Variants in SLX4IP observed in about 807,000 individuals in gnomAD.
SLX4IP encodes SLX4 interacting protein.
SLX4IP carries 34 observed loss-of-function variants against 32.9 expected under a neutral mutation model. That is an observed-to-expected ratio of 1.03 (90% CI 0.79 to 1.38). SLX4IP has a LOEUF of 1.38. Ranked by LOEUF, SLX4IP falls within the 40% of genes most tolerant of loss-of-function variation. The pLI is 0.00. For missense variants in SLX4IP, 444 were observed against 479.0 expected (o/e 0.93, Z 0.68); for synonymous variants, 172 against 171.7 (o/e 1.00, Z -0.01).
chr20:10,620,086 T>C (rs796399369), intron 6 of SLX4IP, among the ~76,000 whole-genome samples: 24 of 152,272 alleles, frequency 1.6e-4, no homozygotes, highest in African/African-American at 5.8e-4. Context: ...GGCACGGTAC[T>C]CATGGCTGCC....
intron 2 of SLX4IP, among the ~76,000 whole-genome samples, chr20:10,553,264 C>G (rs866226098): frequency 3.3e-5 from 5 of 152,120 alleles, no homozygotes; most frequent in Non-Finnish European, 7.3e-5. Flanking sequence ...ATGCTTATCG[C>G]CACTTCAGAT....
chr20:10,512,600 T>G (rs2065816362), intron 2 of SLX4IP, among the ~76,000 whole-genome samples: 1 of 144,772 alleles, frequency 6.9e-6, no homozygotes, highest in African/African-American at 2.5e-5. Context: ...ATACATTATA[T>G]ATATATAAAA....
intron 5 of SLX4IP, 55 bp downstream of exon 5, chr20:10,598,807 G>C (rs2066806238): frequency 1.3e-6 from 2 of 1,544,008 alleles, no homozygotes; most frequent in African/African-American, 1.4e-5. Flanking sequence ...GCTTGCCCTA[G>C]ATAGAGAAGG....
intron 4 of SLX4IP, among the ~76,000 whole-genome samples, chr20:10,580,053 C>G (rs1245470186): frequency 7.2e-5 from 11 of 152,018 alleles, no homozygotes; most frequent in Non-Finnish European, 2.9e-5. Flanking sequence ...CCATTTTAAC[C>G]AAATCAATGA....
intron 5 of SLX4IP, among the ~76,000 whole-genome samples, chr20:10,600,881 C>T (rs1206795911): frequency 6.6e-6 from 1 of 152,178 alleles, no homozygotes; most frequent in South Asian, 2.1e-4. Flanking sequence ...GAAGAGCCCC[C>T]TCCCCACCCG....
At chr20:10,516,299 G>A (rs887928078) in intron 2 of SLX4IP, among the ~76,000 whole-genome samples, 1 of 152,172 alleles carries the variant, frequency 6.6e-6, no homozygotes, top group Non-Finnish European at 1.5e-5. Flanking sequence ...TTTATTCTTT[G>A]AGGAAAGGTT....
At chr20:10,590,280 ATCTTT>A (rs1444658276) in intron 4 of SLX4IP, among the ~76,000 whole-genome samples, 1 of 152,086 alleles carries the variant, frequency 6.6e-6, no homozygotes, top group East Asian at 1.9e-4. Flanking sequence ...AAATTATATC[ATCTTT>A]TCATTTTCCC....
chr20:10,613,890 A>G, intron 6 of SLX4IP: 1 of 1,501,860 alleles, frequency 6.7e-7, no homozygotes, highest in Non-Finnish European at 9.3e-7. Flanking sequence ...AACGTCCTCT[A>G]AAGATATCTT....
chr20:10,602,202 C>G (rs2066849711), intron 6 of SLX4IP, among the ~76,000 whole-genome samples: 1 of 152,158 alleles, frequency 6.6e-6, no homozygotes, highest in African/African-American at 2.4e-5. Flanking sequence ...AAATTTTATT[C>G]CATGGTGAAT....
chr20:10,590,367 A>G (rs2066694076), intron 4 of SLX4IP, among the ~76,000 whole-genome samples: 1 of 150,920 alleles, frequency 6.6e-6, no homozygotes, highest in Non-Finnish European at 1.5e-5. Flanking sequence ...TATTTTTTTA[A>G]TTTTATTTTT....
rs192455720 is a variant in SLX4IP at position 10,444,628 on chromosome 20, A to T, written c.-30+9175A>T. Among the ~76,000 whole-genome samples, 77 of 152,204 alleles carry T rather than the reference A, an allele frequency of 5.1e-4. 1 individual carries two copies. Among genetic ancestry groups the T allele is most frequent in the African/African-American group, 1.8e-3 (73 of 41,522 alleles). ...CCTGACCTCGTGATCCGCCCGCCTCAGCCTCCCAAAGTGCTGGGATTACAG... is the reference window on the plus strand; with the variant it reads ...CCTGACCTCGTGATCCGCCCGCCTCTGCCTCCCAAAGTGCTGGGATTACAG... On this transcript the variant is annotated intron_variant, in intron 1 of 7. Coordinates refer to ENST00000334534, the MANE Select transcript of SLX4IP (RefSeq NM_001009608.3).
Position 10,622,732 on chromosome 20 carries a change from A to G in SLX4IP, c.580A>G (p.Ser194Gly). ...CAGAAGAGACACTGTGGAAACATCT[A>G]GTGACTCAGTGATTGCAGAGATAGC... ...QTRRDTVETS[S>G]DSVIAEIARR... Residue 194 changes from serine to glycine, a missense_variant, in exon 8 of 8, where the codon AGT (serine) becomes GGT (glycine). By Grantham distance (56) the Ser-to-Gly change is moderately conservative. Transcript: ENST00000334534. 1.9e-6 allele frequency: 3 copies of G among 1,614,146 alleles called. No homozygotes were observed. Among genetic ancestry groups the G allele is most frequent in the Non-Finnish European group, 2.5e-6 (3 of 1,180,038 alleles).
At chr20:10,573,027 G>T (rs537637919) in intron 4 of SLX4IP, among the ~76,000 whole-genome samples, 1 of 152,144 alleles carries the variant, frequency 6.6e-6, no homozygotes, top group African/African-American at 2.4e-5. Context: ...TCTGAGAAAT[G>T]TTCCTCAACT....
chr20:10,474,070 G>A (rs1293629822), intron 2 of SLX4IP, among the ~76,000 whole-genome samples: 2 of 152,158 alleles, frequency 1.3e-5, no homozygotes, highest in Non-Finnish European at 2.9e-5. Context: ...TGACCCACCT[G>A]CCTCAGCATT....
At chr20:10,566,073 G>A (rs2066388792) in intron 4 of SLX4IP, among the ~76,000 whole-genome samples, 1 of 152,146 alleles carries the variant, frequency 6.6e-6, no homozygotes, top group African/African-American at 2.4e-5. Flanking sequence ...TCTAATTTCT[G>A]TAACTGTGAA....
intron 1 of SLX4IP, among the ~76,000 whole-genome samples, chr20:10,456,543 T>C (rs1013918420): frequency 2.6e-5 from 4 of 152,160 alleles, no homozygotes; most frequent in African/African-American, 9.7e-5. Context: ...GGTTTCACCA[T>C]GTTGGCCAGG....
intron 2 of SLX4IP, among the ~76,000 whole-genome samples, chr20:10,539,671 T>C (rs1568730474): frequency 1.3e-5 from 2 of 152,200 alleles, no homozygotes; most frequent in Non-Finnish European, 2.9e-5. Context: ...CAAGGAATAA[T>C]TATTAAACTG....
intron 1 of SLX4IP, among the ~76,000 whole-genome samples, chr20:10,435,945 C>T (rs2065108572): frequency 6.6e-6 from 1 of 152,208 alleles, no homozygotes; most frequent in African/African-American, 2.4e-5. Flanking sequence ...ATCACCTTGA[C>T]ATCTACTAGG....
At chr20:10,578,912 T>C (rs368856278) in intron 4 of SLX4IP, among the ~76,000 whole-genome samples, 2 of 152,220 alleles carry the variant, frequency 1.3e-5, no homozygotes, top group African/African-American at 4.8e-5. Context: ...CCATTTTTAA[T>C]TGGGTTATTA....
Sources: gnomAD v4.1 joint callset for allele counts (sites outside exome capture counted in the v4.1 genomes callset) on GRCh38, gnomAD v4.1.1 for gene constraint, MANE v1.5 for transcripts, NCBI Gene and HGNC (gene_info 2026-07-23, HGNC 2026-07-21) for gene names.